CTNNA2: variants seen among roughly 807,000 people sequenced by gnomAD.
CTNNA2 encodes catenin alpha-2.
A neutral mutation model predicts 101.0 loss-of-function variants in CTNNA2; 42 were observed. The ratio of observed to expected loss-of-function variants is 0.42; its 90% confidence interval spans 0.32 to 0.54. The LOEUF (loss-of-function observed/expected upper bound fraction) is 0.54, where lower values mean the gene tolerates loss of function less well. Ranked by LOEUF, CTNNA2 falls within the 20% of genes least tolerant of loss-of-function variation. CTNNA2 has a pLI of 0.14. For missense variants in CTNNA2, 871 were observed against 1,223.1 expected, an observed-to-expected ratio of 0.71 and a Z score of 4.29; for synonymous variants, 450 against 456.4, an observed-to-expected ratio of 0.99 and a Z score of 0.18.
At chr2:80,165,037 A>G (rs142316397) in intron 7 of CTNNA2, among the ~76,000 whole-genome samples, 19 of 149,970 alleles carry the variant, frequency 1.3e-4, no homozygotes, top group African/African-American at 4.7e-4. Flanking sequence ...TTCAGGTTAC[A>G]CTGCTTAGGG....
chr2:79,237,059 G>T (rs1484682529), intron 2 of CTNNA2, among the ~76,000 whole-genome samples: 2 of 152,136 alleles, frequency 1.3e-5, no homozygotes, highest in African/African-American at 4.8e-5. Flanking sequence ...AATTTAGTTT[G>T]CCTAGATCCA....
intron 7 of CTNNA2, among the ~76,000 whole-genome samples, chr2:79,988,790 A>G (rs961822352): frequency 2.6e-4 from 40 of 152,344 alleles, no homozygotes; most frequent in Middle Eastern, 3.4e-3. Flanking sequence ...AGCCCAGGAT[A>G]AAGTGATATG....
At chr2:79,542,753 TAC>T (rs1277405789) in intron 1 of CTNNA2, among the ~76,000 whole-genome samples, 1 of 152,172 alleles carries the variant, frequency 6.6e-6, no homozygotes, top group Non-Finnish European at 1.5e-5. Context: ...CACATGCACA[TAC>T]ACACACATAT....
At chr2:80,334,919 G>T (rs1425338124) in intron 7 of CTNNA2, among the ~76,000 whole-genome samples, 3 of 152,194 alleles carry the variant, frequency 2.0e-5, no homozygotes, top group Admixed American at 6.5e-5. Context: ...GCAAGGACCA[G>T]ATTTGTCTTG....
intron 3 of CTNNA2, among the ~76,000 whole-genome samples, chr2:79,848,337 C>G (rs975957809): frequency 1.3e-5 from 2 of 152,160 alleles, no homozygotes; most frequent in Non-Finnish European, 2.9e-5. Flanking sequence ...CCATTTTTCT[C>G]TTAAGCTTAG....
chr2:80,420,034 G>GAAAA (rs527701227), intron 9 of CTNNA2, among the ~76,000 whole-genome samples: 9 of 37,548 alleles, frequency 2.4e-4, no homozygotes, highest in Non-Finnish European at 4.2e-4. Context: ...GGGAACTTGT[G>GAAAA]AAAAAAAAAA....
intron 7 of CTNNA2, among the ~76,000 whole-genome samples, chr2:80,333,344 G>T (rs899111954): frequency 5.9e-5 from 9 of 152,148 alleles, no homozygotes; most frequent in Admixed American, 5.9e-4. Context: ...TGGATCCTGC[G>T]TTGGGCTTTG....
rs74476436 is a variant in CTNNA2, at chr2:79,331,851, T to C, written c.-318+19055T>C. On this transcript the variant is annotated intron_variant, in intron 3 of 21. Coordinates refer to the CTNNA2 transcript ENST00000466387. The stretch of plus-strand genomic sequence containing the variant: ...AAATAACAAAGAGTGAACTAGTAGA[T>C]TATTGATTCGAGAACAAAATACGTA... 1.9e-3 allele frequency among the ~76,000 whole-genome samples: 293 copies of C among 152,314 alleles called. 2 individuals are homozygous for C. In the East Asian group the frequency reaches 0.038, roughly 20 times the overall value.
At position 79,544,629 on chromosome 2, in the gene CTNNA2, T is replaced by G. The variant is rs914302890; in HGVS notation, c.-6+31422T>G. Among the ~76,000 whole-genome samples, 74 of 152,178 alleles carry G rather than the reference T, an allele frequency of 4.9e-4. 1 individual carries two copies. The highest frequency in any genetic ancestry group is 7.9e-4 in the Admixed American group (12 of 15,274). On this transcript the variant is annotated intron_variant, in intron 1 of 18. Transcript: ENST00000402739. ...GCTATATTAGGTTTTAGTGACTTGG[T>G]GAGAATATGTCTAGCTTCAGAATTT...
chr2:79,854,383 T>C (rs1030080187), intron 3 of CTNNA2, among the ~76,000 whole-genome samples: 1 of 152,370 alleles, frequency 6.6e-6, no homozygotes, highest in African/African-American at 2.4e-5. Flanking sequence ...GTCTCTAATT[T>C]TAACTCTCAT....
At chr2:80,403,293 G>T (rs901734510) in intron 8 of CTNNA2, among the ~76,000 whole-genome samples, 1 of 152,156 alleles carries the variant, frequency 6.6e-6, no homozygotes, top group African/African-American at 2.4e-5. Flanking sequence ...TATTGCACCT[G>T]CTGTAGGAGA....
In CTNNA2 at chr2:80,632,310, A is replaced by G. The variant is rs530838876; in HGVS notation, c.2574+13082A>G. On this transcript the variant is annotated intron_variant, in intron 18 of 18. Transcript: ENST00000402739. The stretch of plus-strand genomic sequence containing the variant: ...CACACACACACAGTCTTGGAGGACA[A>G]TGCAGTAAATAAGTAACTAAAGATT... Among the ~76,000 whole-genome samples the G allele has an allele frequency of 2.6e-5, 4 of 151,772 alleles. No individual in the cohort carries two copies. In the South Asian group the frequency reaches 6.3e-4, roughly 24 times the overall value.
intron 7 of CTNNA2, among the ~76,000 whole-genome samples, chr2:80,172,839 G>T (rs773150778): frequency 6.6e-5 from 10 of 152,170 alleles, no homozygotes; most frequent in Non-Finnish European, 1.3e-4. Context: ...CTCCCTGTGT[G>T]CAGGTGCCTT....
chr2:79,200,857 A>T (rs1674024893), intron 2 of CTNNA2, among the ~76,000 whole-genome samples: 2 of 152,312 alleles, frequency 1.3e-5, no homozygotes, highest in Non-Finnish European at 2.9e-5. Context: ...TATTTTAGCA[A>T]AGACAAATTG....
intron 2 of CTNNA2, among the ~76,000 whole-genome samples, chr2:79,297,807 T>C (rs1381411840): frequency 1.3e-5 from 2 of 152,258 alleles, no homozygotes; most frequent in African/African-American, 4.8e-5. Context: ...TCACTCTCTT[T>C]GATTTTTACT....
At chr2:79,260,969 G>A (rs1436436360) in intron 2 of CTNNA2, among the ~76,000 whole-genome samples, 4 of 152,116 alleles carry the variant, frequency 2.6e-5, no homozygotes, top group Non-Finnish European at 5.9e-5. Context: ...AATGAGCACT[G>A]GCAGCACTGA....
intron 4 of CTNNA2, among the ~76,000 whole-genome samples, chr2:79,430,430 C>T (rs1398620281): frequency 2.6e-5 from 4 of 152,022 alleles, no homozygotes; most frequent in Non-Finnish European, 4.4e-5. Flanking sequence ...TACCTAGAAG[C>T]GCTGGCCTTA....
At chr2:79,196,974 G>T (rs1461526376) in intron 1 of CTNNA2, among the ~76,000 whole-genome samples, 1 of 152,108 alleles carries the variant, frequency 6.6e-6, no homozygotes, top group Non-Finnish European at 1.5e-5. Flanking sequence ...CTCTTTTTCA[G>T]ATTCTTTCTC....
At chr2:79,262,176 A>G (rs556893077) in intron 2 of CTNNA2, among the ~76,000 whole-genome samples, 15 of 152,296 alleles carry the variant, frequency 9.8e-5, no homozygotes, top group Admixed American at 3.3e-4. Flanking sequence ...AAAAAATACA[A>G]TAAAATAAAC....
Sources: gnomAD v4.1 joint callset for allele counts (sites outside exome capture counted in the v4.1 genomes callset) on GRCh38, gnomAD v4.1.1 for gene constraint, MANE v1.5 for transcripts, NCBI Gene and HGNC (gene_info 2026-07-23, HGNC 2026-07-21) for gene names.